The following KCTD8 variants were observed in gnomAD, a reference collection of about 807,000 sequenced individuals.
KCTD8 encodes the protein BTB/POZ domain-containing protein KCTD8.
KCTD8 carries 27 observed loss-of-function variants against 31.5 expected under a neutral mutation model. That is an observed-to-expected ratio of 0.86 (90% CI 0.63 to 1.18). The LOEUF (loss-of-function observed/expected upper bound fraction) is 1.18. Among genes scored for constraint, KCTD8 ranks in the 50% most tolerant of loss-of-function variants. The probability of loss-of-function intolerance (pLI) is 0.00; values close to 1 mark genes in which losing one functional copy is unlikely to be tolerated. For synonymous variants in KCTD8, 290 were observed against 280.0 expected, an observed-to-expected ratio of 1.04 and a Z score of -0.36; for missense variants, 658 against 647.7, an observed-to-expected ratio of 1.02 and a Z score of -0.17.
At chr4:44,296,348 A>T (rs1223183086) in intron 1 of KCTD8, among the ~76,000 whole-genome samples, 3 of 152,010 alleles carry the variant, frequency 2.0e-5, no homozygotes, top group Admixed American at 2.0e-4. Context: ...AAATCCCTTT[A>T]AGAGAAGACC....
chr4:44,186,184 C>A (rs576473761), intron 1 of KCTD8, among the ~76,000 whole-genome samples: 1 of 152,112 alleles, frequency 6.6e-6, no homozygotes, highest in Non-Finnish European at 1.5e-5. Flanking sequence ...TGGCGAGGAG[C>A]GAAAGAGCAC....
intron 1 of KCTD8, chr4:44,293,513 T>C: frequency 2.2e-6 from 1 of 450,458 alleles, no homozygotes; most frequent in Non-Finnish European, 4.4e-6. Flanking sequence ...GTGTAATTGG[T>C]AGAAGCAGCA....
chr4:44,331,304 A>G (rs552910172), intron 1 of KCTD8, among the ~76,000 whole-genome samples: 2 of 152,024 alleles, frequency 1.3e-5, no homozygotes, highest in East Asian at 3.9e-4. Flanking sequence ...CAGAGTATTA[A>G]TCACAGGCAG....
chr4:44,289,477 T>C (rs1294171002), intron 1 of KCTD8, among the ~76,000 whole-genome samples: 1 of 152,028 alleles, frequency 6.6e-6, no homozygotes, highest in Non-Finnish European at 1.5e-5. Context: ...CAAGAGTTGA[T>C]ACAGAGGCAA....
At chr4:44,364,350 G>T (rs553942399) in intron 1 of KCTD8, among the ~76,000 whole-genome samples, 81 of 152,028 alleles carry the variant, frequency 5.3e-4, no homozygotes, top group Non-Finnish European at 1.0e-3. Context: ...AATATGATAT[G>T]TCATTAGGGA....
chr4:44,350,445 TATA>T (rs2109424364), intron 1 of KCTD8, among the ~76,000 whole-genome samples: 1 of 152,322 alleles, frequency 6.6e-6, no homozygotes, highest in Admixed American at 6.5e-5. Context: ...CATGTACACC[TATA>T]ATAAGTGGGT....
chr4:44,356,605 C>G (rs996557084), intron 1 of KCTD8, among the ~76,000 whole-genome samples: 1 of 152,060 alleles, frequency 6.6e-6, no homozygotes, highest in African/African-American at 2.4e-5. Context: ...TGCCGAGTAG[C>G]TGGTAGCCGA....
chr4:44,325,035 G>A (rs1577616887), intron 1 of KCTD8, among the ~76,000 whole-genome samples: 1 of 152,068 alleles, frequency 6.6e-6, no homozygotes, highest in East Asian at 1.9e-4. Flanking sequence ...AACAAATAGG[G>A]TGGAAAGATA....
intron 1 of KCTD8, among the ~76,000 whole-genome samples, chr4:44,297,649 T>C (rs540181618): frequency 1.1e-3 from 166 of 152,248 alleles, no homozygotes; most frequent in Non-Finnish European, 1.9e-3. Context: ...ATAAATGAAA[T>C]ACCATGTCTG....
intron 1 of KCTD8, among the ~76,000 whole-genome samples, chr4:44,438,007 G>T (rs943461261): frequency 6.6e-6 from 1 of 152,034 alleles, no homozygotes; most frequent in African/African-American, 2.4e-5. Flanking sequence ...TGCCACTGTA[G>T]CAACTTTTCT....
At chr4:44,442,377 A>G (rs1373959958) in intron 1 of KCTD8, among the ~76,000 whole-genome samples, 1 of 152,154 alleles carries the variant, frequency 6.6e-6, no homozygotes, top group Non-Finnish European at 1.5e-5. Flanking sequence ...ACCTGAGGTC[A>G]GGAGTTCAAG....
intron 1 of KCTD8, among the ~76,000 whole-genome samples, chr4:44,379,744 TTG>T (rs1720011632): frequency 6.6e-6 from 1 of 152,086 alleles, no homozygotes; most frequent in South Asian, 2.1e-4. Context: ...GAATTAAGTA[TTG>T]TTGCCAAGCA....
chr4:44,184,799 G>A (rs936262294), intron 1 of KCTD8, among the ~76,000 whole-genome samples: 2 of 152,160 alleles, frequency 1.3e-5, no homozygotes, highest in African/African-American at 2.4e-5. Flanking sequence ...TGTCCACAGA[G>A]TAGTAAGAAT....
At chr4:44,336,812 G>T (rs1357442658) in intron 1 of KCTD8, among the ~76,000 whole-genome samples, 2 of 151,870 alleles carry the variant, frequency 1.3e-5, no homozygotes, top group Admixed American at 6.6e-5. Flanking sequence ...AGGAGATAGA[G>T]AAATAATTAA....
intron 1 of KCTD8, among the ~76,000 whole-genome samples, chr4:44,318,267 C>T (rs2109404250): frequency 6.6e-6 from 1 of 152,232 alleles, no homozygotes; most frequent in South Asian, 2.1e-4. Context: ...TAGGGTATCA[C>T]TACATAACCC....
intron 1 of KCTD8, among the ~76,000 whole-genome samples, chr4:44,378,710 A>C (rs1318478019): frequency 6.6e-6 from 1 of 152,134 alleles, no homozygotes; most frequent in African/African-American, 2.4e-5. Flanking sequence ...CATGAGTCCC[A>C]AGTCACATAA....
chr4:44,270,687 A>G (rs1290251295), intron 1 of KCTD8, among the ~76,000 whole-genome samples: 1 of 152,116 alleles, frequency 6.6e-6, no homozygotes, highest in Non-Finnish European at 1.5e-5. Context: ...TATAATGAGA[A>G]ACTGCTGAAA....
intron 1 of KCTD8, among the ~76,000 whole-genome samples, chr4:44,202,451 A>C (rs933011166): frequency 3.9e-5 from 6 of 152,338 alleles, no homozygotes; most frequent in African/African-American, 1.4e-4. Flanking sequence ...GCAGTCATAA[A>C]AATGAACAAA....
At chr4:44,425,678 T>C (rs1721328322) in intron 1 of KCTD8, among the ~76,000 whole-genome samples, 2 of 152,140 alleles carry the variant, frequency 1.3e-5, no homozygotes, top group Non-Finnish European at 2.9e-5. Flanking sequence ...TAGCACAAGA[T>C]GGGTGAATAC....
Sources: gnomAD v4.1 joint callset for allele counts (sites outside exome capture counted in the v4.1 genomes callset) on GRCh38, gnomAD v4.1.1 for gene constraint, MANE v1.5 for transcripts, NCBI Gene and HGNC (gene_info 2026-07-23, HGNC 2026-07-21) for gene names.